SLC25A33: variants seen among roughly 807,000 people sequenced by gnomAD.
SLC25A33 encodes bone marrow stromal cell mitochondrial carrier protein.
In SLC25A33, 15 loss-of-function variants were observed where a neutral mutation model predicts 35.5. The observed-to-expected ratio is 0.42, with a 90% confidence interval of 0.28 to 0.65. SLC25A33 has a LOEUF of 0.65. Ranked by LOEUF, SLC25A33 falls within the 30% of genes least tolerant of loss-of-function variation. The probability of loss-of-function intolerance (pLI) is 0.20; values close to 1 mark genes in which losing one functional copy is unlikely to be tolerated. For synonymous variants in SLC25A33, 136 were observed against 148.7 expected, an observed-to-expected ratio of 0.91 and a Z score of 0.62; for missense variants, 257 against 398.5, an observed-to-expected ratio of 0.64 and a Z score of 3.02.
At chr1:9,555,662 G>C (rs1643332694) in intron 2 of SLC25A33, among the ~76,000 whole-genome samples, 1 of 151,972 alleles carries the variant, frequency 6.6e-6, no homozygotes, top group African/African-American at 2.4e-5. Flanking sequence ...AAGACTCCAG[G>C]AGAAATTGGG....
intron 2 of SLC25A33, among the ~76,000 whole-genome samples, chr1:9,556,862 C>T (rs569767717): frequency 3.6e-4 from 55 of 152,290 alleles, no homozygotes; most frequent in Non-Finnish European, 7.8e-4. Context: ...ACAGTCCCAC[C>T]GGCTTCATTG....
chr1:9,540,430 A>G (rs1469095555), intron 1 of SLC25A33, among the ~76,000 whole-genome samples: 1 of 152,116 alleles, frequency 6.6e-6, no homozygotes, highest in African/African-American at 2.4e-5. Flanking sequence ...CATTAGGTCT[A>G]TGGTCAGGCA....
intron 4 of SLC25A33, among the ~76,000 whole-genome samples, chr1:9,572,449 A>C (rs558248061): frequency 1.2e-3 from 158 of 137,202 alleles, no homozygotes; most frequent in African/African-American, 4.7e-3. Flanking sequence ...GTCTCTACTA[A>C]AAATACAAAA....
chr1:9,539,637 A>T lies in SLC25A33; in HGVS notation c.-55A>T. 7.7e-7 allele frequency: 1 copy of T among 1,296,098 alleles called. No individual in the cohort carries two copies. Among genetic ancestry groups the T allele is most frequent in the Non-Finnish European group, 9.8e-7 (1 of 1,018,554 alleles). 80.3% of individuals were successfully genotyped at this position (1,296,098 alleles called of 1,614,324 possible). On this transcript the variant is annotated 5_prime_UTR_variant, in exon 1 of 7. Transcript: ENST00000302692. ...ACCCGGCGACCTCGCGCATCCCTCG[A>T]GCCGCCACGCGCTCTCGCCACCGGG...
At chr1:9,577,780 A>G (rs1421301226) in intron 5 of SLC25A33, among the ~76,000 whole-genome samples, 1 of 152,166 alleles carries the variant, frequency 6.6e-6, no homozygotes, top group Non-Finnish European at 1.5e-5. Context: ...TGAAGTTGCC[A>G]CAACTTAGGT....
intron 2 of SLC25A33, 141 bp downstream of exon 2, chr1:9,553,946 A>G (rs1643305003): frequency 3.0e-6 from 3 of 1,001,884 alleles, no homozygotes; most frequent in Middle Eastern, 2.5e-4. Context: ...TTCTTTACCA[A>G]TACCTTTGAG....
chr1:9,561,315 G>A (rs1643421313), intron 2 of SLC25A33, among the ~76,000 whole-genome samples: 1 of 152,060 alleles, frequency 6.6e-6, no homozygotes, highest in Non-Finnish European at 1.5e-5. Flanking sequence ...TATCTTTTAG[G>A]AACCACAGTG....
At chr1:9,552,369 C>T (rs892415768) in intron 1 of SLC25A33, among the ~76,000 whole-genome samples, 1 of 152,096 alleles carries the variant, frequency 6.6e-6, no homozygotes, top group Non-Finnish European at 1.5e-5. Flanking sequence ...GCATTACAGG[C>T]ATGTGCCACT....
chr1:9,562,913 T>C (rs796967926), intron 2 of SLC25A33, among the ~76,000 whole-genome samples: 15 of 144,362 alleles, frequency 1.0e-4, no homozygotes, highest in African/African-American at 3.1e-4. Flanking sequence ...CTTTTTAAAA[T>C]AATAGCTTTT....
intron 3 of SLC25A33, among the ~76,000 whole-genome samples, chr1:9,569,062 A>G (rs1643552086): frequency 1.3e-5 from 2 of 151,952 alleles, no homozygotes; most frequent in Admixed American, 6.6e-5. Flanking sequence ...CATGGCCAAC[A>G]TAGTGAAACC....
intron 3 of SLC25A33, among the ~76,000 whole-genome samples, chr1:9,569,502 A>G (rs1285866492): frequency 6.6e-6 from 1 of 152,222 alleles, no homozygotes; most frequent in Non-Finnish European, 1.5e-5. Flanking sequence ...CCTGATGCAG[A>G]TTCCTGACTG....
intron 2 of SLC25A33, among the ~76,000 whole-genome samples, chr1:9,566,634 G>T (rs1222482489): frequency 6.6e-6 from 1 of 151,856 alleles, no homozygotes; most frequent in African/African-American, 2.4e-5. Flanking sequence ...ATCACCTGAG[G>T]TGAGGAGTTC....
At chr1:9,559,806 C>A (rs1643395390) in intron 2 of SLC25A33, among the ~76,000 whole-genome samples, 1 of 152,158 alleles carries the variant, frequency 6.6e-6, no homozygotes, top group Admixed American at 6.6e-5. Flanking sequence ...TCTTCATTAA[C>A]CATCCCTAAG....
At chr1:9,561,982 GGT>G (rs1464887931) in intron 2 of SLC25A33, among the ~76,000 whole-genome samples, 1 of 151,952 alleles carries the variant, frequency 6.6e-6, no homozygotes, top group African/African-American at 2.4e-5. Flanking sequence ...GAACCCGGGA[GGT>G]GGAGGTTGCA....
At chr1:9,564,971 C>T (rs776771956) in intron 2 of SLC25A33, among the ~76,000 whole-genome samples, 5 of 151,642 alleles carry the variant, frequency 3.3e-5, no homozygotes, top group African/African-American at 1.2e-4. Flanking sequence ...CATGCTACAA[C>T]ATGGATGAAC....
In SLC25A33 at chr1:9,576,473, T is replaced by G; in HGVS notation, c.482+3061T>G. Reference sequence around the variant, plus strand: ...CAGACTGTTGTCATTCCAGAAAATGTCAACATTACCCTGAAGAGATGCACA... The same window carrying G: ...CAGACTGTTGTCATTCCAGAAAATGGCAACATTACCCTGAAGAGATGCACA... On this transcript the variant is annotated intron_variant, in intron 5 of 6. Transcript: ENST00000302692. 6.9e-6 allele frequency: 3 copies of G among 432,334 alleles called. No homozygotes were observed. The Admixed American group carries it at 8.0e-5, about 11-fold the overall frequency. The allele number at this position is 432,334 out of a possible 1,614,324, so 26.8% of individuals were successfully genotyped here. A position where few individuals can be genotyped will look rare whatever the true frequency, so the allele number is the denominator to read the frequency against.
intron 2 of SLC25A33, among the ~76,000 whole-genome samples, chr1:9,562,595 C>T (rs1440362484): frequency 1.3e-5 from 2 of 152,016 alleles, no homozygotes; most frequent in East Asian, 3.9e-4. Flanking sequence ...TGGCTCATGC[C>T]TGTAATCTCA....
chr1:9,560,817 G>T (rs1366233748), intron 2 of SLC25A33, among the ~76,000 whole-genome samples: 1 of 151,048 alleles, frequency 6.6e-6, no homozygotes, highest in Non-Finnish European at 1.5e-5. Context: ...ACAGATTCAG[G>T]TATCTGCTAT....
chr1:9,547,308 G>A (rs1643187877), intron 1 of SLC25A33, among the ~76,000 whole-genome samples: 2 of 152,136 alleles, frequency 1.3e-5, no homozygotes, highest in South Asian at 4.1e-4. Context: ...ACAAAAATTA[G>A]CCAAGCATTG....
Sources: allele counts gnomAD v4.1 joint callset (sites outside exome capture counted in the v4.1 genomes callset), GRCh38; gene constraint gnomAD v4.1.1; transcripts MANE v1.5; gene names NCBI Gene and HGNC (gene_info 2026-07-23, HGNC 2026-07-21).